C1orf87: variants seen among roughly 807,000 people sequenced by gnomAD.
The protein encoded by C1orf87 is chromosome 1 open reading frame 87, also known as uncharacterized protein C1orf87.
In C1orf87, 58 loss-of-function variants were observed where a neutral mutation model predicts 60.5. The ratio of observed to expected loss-of-function variants is 0.96; its 90% CI spans 0.78 to 1.19. The LOEUF is 1.19. C1orf87 is among the 50% of genes most tolerant of loss of function. C1orf87 has a pLI of 0.00. For synonymous variants in C1orf87, 236 were observed against 227.4 expected, an observed-to-expected ratio of 1.04 and a Z score of -0.34; for missense variants, 673 against 638.6, an observed-to-expected ratio of 1.05 and a Z score of -0.58.
At chr1:59,995,243 T>TA (rs201151638) in intron 11 of C1orf87, among the ~76,000 whole-genome samples, 1 of 151,862 alleles carries the variant, frequency 6.6e-6, no homozygotes, top group Non-Finnish European at 1.5e-5. Context: ...GTCATTTTTT[T>TA]AAAAAATGTT....
chr1:60,054,550 CTA>C (rs1172114829), intron 3 of C1orf87, among the ~76,000 whole-genome samples: 1 of 152,182 alleles, frequency 6.6e-6, no homozygotes, highest in African/African-American at 2.4e-5. Context: ...AACTCCTACT[CTA>C]TGTATCTGTT....
chr1:60,003,123 A>C (rs1483509900), intron 9 of C1orf87, among the ~76,000 whole-genome samples: 16 of 148,696 alleles, frequency 1.1e-4, no homozygotes, highest in East Asian at 1.0e-3. Context: ...CATATACACC[A>C]TGGAATACTA....
At chr1:60,026,095 T>C (rs1239617552) in intron 7 of C1orf87, among the ~76,000 whole-genome samples, 1 of 152,208 alleles carries the variant, frequency 6.6e-6, no homozygotes, top group Non-Finnish European at 1.5e-5. Context: ...TAAATCTTGT[T>C]CTGAACTAGT....
intron 2 of C1orf87, among the ~76,000 whole-genome samples, chr1:60,057,172 G>A (rs762016187): frequency 2.0e-5 from 3 of 152,182 alleles, no homozygotes; most frequent in Non-Finnish European, 4.4e-5. Flanking sequence ...AAAAGCAAGA[G>A]GATGTCTCCA....
At chr1:60,036,035 A>C (rs184626454) in intron 6 of C1orf87, among the ~76,000 whole-genome samples, 252 of 152,292 alleles carry the variant, frequency 1.7e-3, no homozygotes, top group Middle Eastern at 6.8e-3. Flanking sequence ...TCAGGGTCAA[A>C]ATTTTACAGT....
rs117959294 is a variant in C1orf87, at chr1:60,040,483, T to C, written c.484-303A>G. On this transcript the variant is annotated intron_variant, in intron 4 of 11. Transcript: ENST00000371201. ...TAACTGCTTTGATGGTATAAGAATT[T>C]AGAATAACACATTTTGGAGACCCAT... is the stretch of plus-strand genomic sequence containing the variant. 3.0e-3 allele frequency among the ~76,000 whole-genome samples: 460 copies of C among 152,332 alleles called. 8 individuals are homozygous for C. In the East Asian group the frequency reaches 0.061, roughly 20 times the overall value.
At chr1:60,035,130 C>T (rs1645266501) in intron 6 of C1orf87, among the ~76,000 whole-genome samples, 2 of 152,230 alleles carry the variant, frequency 1.3e-5, no homozygotes, top group African/African-American at 2.4e-5. Context: ...GTCCACCTCT[C>T]ACTGTGGCAG....
intron 9 of C1orf87, among the ~76,000 whole-genome samples, chr1:60,001,952 G>A (rs1277505431): frequency 6.6e-6 from 1 of 152,020 alleles, no homozygotes; most frequent in Non-Finnish European, 1.5e-5. Context: ...TAAGACCTGT[G>A]GAAATCCTCT....
chr1:60,014,814 C>T (rs1295734776), intron 8 of C1orf87, among the ~76,000 whole-genome samples: 1 of 152,130 alleles, frequency 6.6e-6, no homozygotes, highest in Non-Finnish European at 1.5e-5. Flanking sequence ...CATACTGCTC[C>T]TTATCTCTGA....
At chr1:60,006,885 ATGT>A (rs1412343768) in intron 9 of C1orf87, among the ~76,000 whole-genome samples, 1 of 150,894 alleles carries the variant, frequency 6.6e-6, no homozygotes, top group Non-Finnish European at 1.5e-5. Context: ...TGTACGTTAG[ATGT>A]TGTCACCATT....
At chr1:60,024,593 G>A (rs987662650) in intron 8 of C1orf87, among the ~76,000 whole-genome samples, 2 of 152,036 alleles carry the variant, frequency 1.3e-5, no homozygotes, top group African/African-American at 4.8e-5. Context: ...GGCTCCCTGG[G>A]GATTTCTCAC....
At chr1:59,995,432 C>A (rs943435486) in intron 11 of C1orf87, among the ~76,000 whole-genome samples, 21 of 152,146 alleles carry the variant, frequency 1.4e-4, no homozygotes, top group Non-Finnish European at 2.8e-4. Flanking sequence ...AAGAATGAAG[C>A]CTCATCCTAT....
intron 9 of C1orf87, among the ~76,000 whole-genome samples, chr1:60,004,391 C>G (rs907775827): frequency 5.9e-5 from 9 of 151,968 alleles, no homozygotes; most frequent in African/African-American, 2.2e-4. Context: ...TTAAGCAAAT[C>G]GAGCTTCCCC....
At chr1:60,056,663 G>A (rs1205148303) in intron 2 of C1orf87, among the ~76,000 whole-genome samples, 1 of 152,110 alleles carries the variant, frequency 6.6e-6, no homozygotes, top group Non-Finnish European at 1.5e-5. Context: ...AGTATCTCCG[G>A]GTGGTAGAAC....
chr1:60,026,580 G>A (rs78532869), intron 7 of C1orf87, among the ~76,000 whole-genome samples: 3 of 151,480 alleles, frequency 2.0e-5, no homozygotes, highest in African/African-American at 7.3e-5. Context: ...GAGAGGTAGT[G>A]GGGTATCAAG....
At chr1:60,036,829 A>G (rs536184269) in intron 6 of C1orf87, among the ~76,000 whole-genome samples, 1 of 152,120 alleles carries the variant, frequency 6.6e-6, no homozygotes, top group African/African-American at 2.4e-5. Context: ...CTCTCCCTTG[A>G]GATTATATGA....
In C1orf87 at chr1:59,990,510, C is replaced by T. The variant is rs1469398108; in HGVS notation, c.*163G>A. The T allele has an allele frequency of 9.8e-6, 8 of 818,996 alleles. No homozygotes were observed. The highest frequency in any genetic ancestry group is 1.5e-5 in the Non-Finnish European group (8 of 524,060). The allele number at this position is 818,996 out of a possible 1,614,324, so 50.7% of individuals were successfully genotyped here. On this transcript the variant is annotated 3_prime_UTR_variant, in exon 12 of 12. Transcript: ENST00000371201. ...TCACTTTGAACTGCTTATGAGTGAG[C>T]ATCATAGCCAGAAACTAAGTCCAAA... is the stretch of plus-strand genomic sequence containing the variant.
At chr1:60,037,970 T>G in intron 6 of C1orf87, 22 bp downstream of exon 6, 2 of 1,532,622 alleles carry the variant, frequency 1.3e-6, no homozygotes, top group Non-Finnish European at 1.8e-6. Context: ...AACAATACCC[T>G]CACAAAAAGG....
chr1:59,994,873 A>G (rs1164908802), intron 11 of C1orf87, among the ~76,000 whole-genome samples: 1 of 152,174 alleles, frequency 6.6e-6, no homozygotes, highest in Non-Finnish European at 1.5e-5. Flanking sequence ...CTCAGCATCT[A>G]GAATGGGGCT....
Sources: allele counts gnomAD v4.1 joint callset (sites outside exome capture counted in the v4.1 genomes callset), GRCh38; gene constraint gnomAD v4.1.1; transcripts MANE v1.5; gene names NCBI Gene and HGNC (gene_info 2026-07-23, HGNC 2026-07-21).